CTTNBP2: variants seen among roughly 807,000 people sequenced by gnomAD.
The protein encoded by CTTNBP2 is cortactin binding protein 2.
In CTTNBP2, 108 loss-of-function variants were observed where a neutral mutation model predicts 156.9. The ratio of observed to expected loss-of-function variants is 0.69; its 90% CI spans 0.59 to 0.81. CTTNBP2 has a LOEUF of 0.81. Among genes scored for constraint, CTTNBP2 ranks in the 30% least tolerant of loss-of-function variants. The pLI, the probability that CTTNBP2 is intolerant of heterozygous loss-of-function variation, is 0.00. For synonymous variants in CTTNBP2, 767 were observed against 751.8 expected, an observed-to-expected ratio of 1.02 and a Z score of -0.33; for missense variants, 1,924 against 2,035.4, an observed-to-expected ratio of 0.95 and a Z score of 1.05.
intron 3 of CTTNBP2, among the ~76,000 whole-genome samples, chr7:117,799,974 A>G (rs1799525354): frequency 6.6e-6 from 1 of 152,120 alleles, no homozygotes; most frequent in Admixed American, 6.5e-5. Context: ...CACTGATAGA[A>G]GCCAAATGTT....
intron 22 of CTTNBP2, chr7:117,714,021 G>A (rs548315016): frequency 2.6e-5 from 4 of 152,166 alleles, no homozygotes; most frequent in Non-Finnish European, 5.9e-5. Context: ...AGATGGGCTC[G>A]GTTTTAACTA....
intron 8 of CTTNBP2, among the ~76,000 whole-genome samples, chr7:117,777,173 A>C (rs1406301216): frequency 6.6e-6 from 1 of 152,170 alleles, no homozygotes. Context: ...CCTGCCTCTA[A>C]CTAGCAGCAT....
At chr7:117,827,520 G>T (rs531187926) in intron 2 of CTTNBP2, among the ~76,000 whole-genome samples, 2 of 152,188 alleles carry the variant, frequency 1.3e-5, no homozygotes, top group East Asian at 3.9e-4. Context: ...ACAAAAAATA[G>T]ACACATGAGC....
At chr7:117,823,634 C>T (rs1451185811) in intron 2 of CTTNBP2, among the ~76,000 whole-genome samples, 2 of 152,188 alleles carry the variant, frequency 1.3e-5, no homozygotes, top group Non-Finnish European at 2.9e-5. Flanking sequence ...ACTTGATTCT[C>T]TTAAGTCCTT....
intron 2 of CTTNBP2, among the ~76,000 whole-genome samples, chr7:117,822,648 C>A (rs1801036420): frequency 6.6e-6 from 1 of 152,120 alleles, no homozygotes; most frequent in South Asian, 2.1e-4. Context: ...ATTTTTAAAT[C>A]CACAGATACT....
At chr7:117,732,006 TAATAAG>T (rs763778119) in intron 16 of CTTNBP2, among the ~76,000 whole-genome samples, 30 of 152,214 alleles carry the variant, frequency 2.0e-4, no homozygotes, top group Admixed American at 1.8e-3. Flanking sequence ...TTTTTTAACT[TAATAAG>T]AATGACATTA....
intron 2 of CTTNBP2, among the ~76,000 whole-genome samples, chr7:117,856,999 G>A (rs954066623): frequency 2.0e-5 from 3 of 152,268 alleles, no homozygotes; most frequent in East Asian, 1.9e-4. Flanking sequence ...AATTGTGTAC[G>A]CAGATTTTGA....
At chr7:117,871,880 T>C in intron 1 of CTTNBP2, 2 of 367,596 alleles carry the variant, frequency 5.4e-6, no homozygotes, top group Non-Finnish European at 6.1e-6. Flanking sequence ...ACACACCCTC[T>C]TTCTTTTTCC....
chr7:117,720,090 G>T (rs529854572), intron 20 of CTTNBP2, among the ~76,000 whole-genome samples: 2 of 152,196 alleles, frequency 1.3e-5, no homozygotes, highest in African/African-American at 4.8e-5. Flanking sequence ...GTACATCCTA[G>T]GGTTGCTGGA....
chr7:117,722,807 T>C (rs1245510319), intron 19 of CTTNBP2, among the ~76,000 whole-genome samples: 1 of 152,192 alleles, frequency 6.6e-6, no homozygotes, highest in African/African-American at 2.4e-5. Flanking sequence ...GCACGTCTAA[T>C]AAGATCAGGG....
At chr7:117,786,490 G>A (rs1053174635) in intron 4 of CTTNBP2, 8 of 393,760 alleles carry the variant, frequency 2.0e-5, no homozygotes, top group Middle Eastern at 3.6e-4. Flanking sequence ...TATTAGAAAT[G>A]CATAAACAGA....
chr7:117,796,696 T>G (rs1174627607), intron 3 of CTTNBP2, among the ~76,000 whole-genome samples: 1 of 152,244 alleles, frequency 6.6e-6, no homozygotes, highest in Non-Finnish European at 1.5e-5. Context: ...CTATTTGTAT[T>G]ATTTTAAAAT....
Position 117,817,357 on chromosome 7 carries a change from A to AT in CTTNBP2, c.190-6369_190-6368insA, listed in dbSNP as rs1282725521. ...TCAAAAAAAAAAAAAAAAAAAAAAA[A>AT]AAAAATATATATATATATATATATA... is the stretch of plus-strand genomic sequence containing the variant. On this transcript the variant is annotated intron_variant, in intron 2 of 22. Transcript: ENST00000160373. Among the ~76,000 whole-genome samples, 145 of 32,806 alleles carry AT rather than the reference A, an allele frequency of 4.4e-3. 8 individuals carry two copies. The highest frequency in any genetic ancestry group is 8.2e-3 in the South Asian group (11 of 1,344). 21.5% of individuals were successfully genotyped at this position (32,806 alleles called of 152,430 possible).
intron 2 of CTTNBP2, among the ~76,000 whole-genome samples, chr7:117,841,955 A>G (rs1053250786): frequency 1.3e-5 from 2 of 152,186 alleles, no homozygotes; most frequent in Non-Finnish European, 2.9e-5. Flanking sequence ...GAACCTAGAG[A>G]CAAAAGAAAA....
At chr7:117,798,738 A>T (rs1282065559) in intron 3 of CTTNBP2, among the ~76,000 whole-genome samples, 1 of 152,094 alleles carries the variant, frequency 6.6e-6, no homozygotes, top group Non-Finnish European at 1.5e-5. Flanking sequence ...GAAATTGATG[A>T]AACAGAAGAA....
chr7:117,717,155 A>G (rs927822278), intron 22 of CTTNBP2, among the ~76,000 whole-genome samples: 3 of 152,174 alleles, frequency 2.0e-5, no homozygotes, highest in Non-Finnish European at 2.9e-5. Flanking sequence ...CTTGCCATTT[A>G]TTAACCAACT....
chr7:117,837,662 AG>A (rs1467372266), intron 2 of CTTNBP2, among the ~76,000 whole-genome samples: 2 of 152,156 alleles, frequency 1.3e-5, no homozygotes, highest in African/African-American at 4.8e-5. Flanking sequence ...CATAGCCTGG[AG>A]GTAATTTTAT....
intron 14 of CTTNBP2, among the ~76,000 whole-genome samples, chr7:117,744,896 G>A (rs1038497496): frequency 6.6e-6 from 1 of 152,074 alleles, no homozygotes; most frequent in Non-Finnish European, 1.5e-5. Context: ...ATTTGCCCTG[G>A]CCACAAGATA....
At chr7:117,720,803 A>T (rs755304696) in intron 20 of CTTNBP2, among the ~76,000 whole-genome samples, 1 of 152,238 alleles carries the variant, frequency 6.6e-6, no homozygotes, top group Non-Finnish European at 1.5e-5. Context: ...TGAAACCTAT[A>T]ATATTTCTAA....
Sources: gnomAD v4.1 joint callset for allele counts (sites outside exome capture counted in the v4.1 genomes callset) on GRCh38, gnomAD v4.1.1 for gene constraint, MANE v1.5 for transcripts, NCBI Gene and HGNC (gene_info 2026-07-23, HGNC 2026-07-21) for gene names.